The following ERBB4 variants were observed in gnomAD, a reference collection of about 807,000 sequenced individuals.
The protein encoded by ERBB4 is receptor tyrosine-protein kinase erbB-4.
A neutral mutation model predicts 158.0 loss-of-function variants in ERBB4; 42 were observed. The ratio of observed to expected loss-of-function variants is 0.27; its 90% CI spans 0.21 to 0.34. The LOEUF (loss-of-function observed/expected upper bound fraction) is 0.34, where lower values mean the gene tolerates loss of function less well. ERBB4 is among the 10% of genes least tolerant of loss of function. The pLI is 1.00. For missense variants in ERBB4, 1,333 were observed against 1,624.1 expected (o/e 0.82, Z 3.08); for synonymous variants, 583 against 558.7 (o/e 1.04, Z -0.61).
intron 2 of ERBB4, among the ~76,000 whole-genome samples, chr2:212,094,545 C>A: frequency 6.6e-6 from 1 of 150,992 alleles, no homozygotes; most frequent in Admixed American, 6.6e-5. Context: ...GGCATGGCTA[C>A]AGTTAAATAA....
intron 20 of ERBB4, among the ~76,000 whole-genome samples, chr2:211,440,957 C>T (rs140503511): frequency 7.6e-4 from 116 of 152,258 alleles, no homozygotes; most frequent in African/African-American, 1.9e-3. Context: ...ATCTGCCCAA[C>T]GCATGTAAAA....
intron 3 of ERBB4, among the ~76,000 whole-genome samples, chr2:211,872,952 G>A (rs2078388598): frequency 6.6e-6 from 1 of 150,712 alleles, no homozygotes; most frequent in Non-Finnish European, 1.5e-5. Context: ...ACTATATGAA[G>A]CATACAATTT....
chr2:212,089,183 T>C (rs912149609), intron 2 of ERBB4, among the ~76,000 whole-genome samples: 1 of 152,158 alleles, frequency 6.6e-6, no homozygotes, highest in Non-Finnish European at 1.5e-5. Context: ...TCAATTAAAA[T>C]AGCTTTATTT....
intron 3 of ERBB4, among the ~76,000 whole-genome samples, chr2:211,826,026 G>A (rs762560771): frequency 6.6e-6 from 1 of 151,150 alleles, no homozygotes; most frequent in Non-Finnish European, 1.5e-5. Flanking sequence ...AGCTTCCCTA[G>A]AATCAACCTA....
At chr2:212,122,251 G>A (rs1419195021) in intron 2 of ERBB4, among the ~76,000 whole-genome samples, 1 of 151,756 alleles carries the variant, frequency 6.6e-6, no homozygotes, top group Admixed American at 6.6e-5. Flanking sequence ...TGAAGCCAAG[G>A]ACAATAAATG....
At chr2:211,490,979 C>T (rs2065327212) in intron 20 of ERBB4, among the ~76,000 whole-genome samples, 1 of 152,058 alleles carries the variant, frequency 6.6e-6, no homozygotes, top group Non-Finnish European at 1.5e-5. Context: ...AGATGAGACT[C>T]CTCATTCTGA....
intron 2 of ERBB4, among the ~76,000 whole-genome samples, chr2:212,071,733 G>A (rs569989656): frequency 4.6e-5 from 7 of 151,996 alleles, no homozygotes; most frequent in Middle Eastern, 3.4e-3. Context: ...AAGCTATTAC[G>A]ATGAAACATA....
chr2:211,549,959 G>A (rs2067039108), intron 20 of ERBB4, among the ~76,000 whole-genome samples: 1 of 152,068 alleles, frequency 6.6e-6, no homozygotes, highest in African/African-American at 2.4e-5. Flanking sequence ...ATGATAAAGT[G>A]GAACTTCAAG....
At chr2:212,436,713 A>G (rs1007173528) in intron 1 of ERBB4, among the ~76,000 whole-genome samples, 2 of 152,098 alleles carry the variant, frequency 1.3e-5, no homozygotes, top group African/African-American at 4.8e-5. Context: ...GGTTGACAAA[A>G]TAAAACTCAA....
At position 212,156,264 on chromosome 2, in the gene ERBB4, A is replaced by G. The variant is rs112353656; in HGVS notation, c.83-31361T>C. Among the ~76,000 whole-genome samples, 1,008 of 152,070 alleles carry G rather than the reference A, an allele frequency of 6.6e-3. 7 individuals carry two copies. Among genetic ancestry groups the G allele is most frequent in the Middle Eastern group, 0.024 (7 of 294 alleles). On this transcript the variant is annotated intron_variant, in intron 1 of 27. Transcript: ENST00000342788. The stretch of plus-strand genomic sequence containing the variant: ...ATTCCAATGTGTTTAAAAGTGGGGG[A>G]AAAAAAGGAAAGGAAAGCAGGAACA...
At chr2:211,862,528 A>G (rs2078087247) in intron 3 of ERBB4, among the ~76,000 whole-genome samples, 1 of 152,210 alleles carries the variant, frequency 6.6e-6, no homozygotes, top group African/African-American at 2.4e-5. Context: ...TCATGGAGAC[A>G]ACACTGCATA....
intron 2 of ERBB4, among the ~76,000 whole-genome samples, chr2:211,978,890 T>A (rs2081709827): frequency 6.6e-6 from 1 of 152,188 alleles, no homozygotes; most frequent in Non-Finnish European, 1.5e-5. Flanking sequence ...AATCTGATTT[T>A]TAAATAGTGT....
At chr2:211,529,698 C>A (rs1327991877) in intron 20 of ERBB4, among the ~76,000 whole-genome samples, 1 of 152,030 alleles carries the variant, frequency 6.6e-6, no homozygotes, top group Non-Finnish European at 1.5e-5. Flanking sequence ...TCAACATATG[C>A]AAATCAACTA....
At chr2:212,369,763 G>T (rs1166635600) in intron 1 of ERBB4, among the ~76,000 whole-genome samples, 1 of 152,042 alleles carries the variant, frequency 6.6e-6, no homozygotes, top group Non-Finnish European at 1.5e-5. Flanking sequence ...TAAGATCATA[G>T]CTCAAAGCAG....
chr2:211,713,663 A>G lies in ERBB4; in HGVS notation c.884-15T>C. ...CACAAAGTTATCTGATTAAAAAAAA[A>G]AAAAAGGTAAAATAAGCATTAATGT... On this transcript the variant is annotated splice_polypyrimidine_tract_variant and intron_variant, in intron 7 of 27. Transcript: ENST00000342788. 6.8e-7 allele frequency: 1 copy of G among 1,477,468 alleles called. No homozygotes were observed. The highest frequency in any genetic ancestry group is 1.7e-5 in the Admixed American group (1 of 59,644). The allele number at this position is 1,477,468 out of a possible 1,614,324, so 91.5% of individuals were successfully genotyped here. A position where few individuals can be genotyped will look rare whatever the true frequency, so the allele number is the denominator to read the frequency against.
chr2:212,342,490 G>A (rs966718131), intron 1 of ERBB4, among the ~76,000 whole-genome samples: 1 of 152,154 alleles, frequency 6.6e-6, no homozygotes, highest in African/African-American at 2.4e-5. Context: ...GTGGAACTGT[G>A]AGTCCATTAA....
intron 1 of ERBB4, among the ~76,000 whole-genome samples, chr2:212,149,434 A>C (rs1331682591): frequency 6.6e-6 from 1 of 152,206 alleles, no homozygotes; most frequent in Non-Finnish European, 1.5e-5. Context: ...GTTGTAGTAA[A>C]TTGAACATGA....
chr2:211,973,911 TAA>T (rs563816239), intron 2 of ERBB4, among the ~76,000 whole-genome samples: 125 of 152,240 alleles, frequency 8.2e-4, no homozygotes, highest in African/African-American at 2.9e-3. Context: ...TAAAAAAGAA[TAA>T]AGTCATGTCC....
At chr2:211,692,683 C>T (rs1427318668) in intron 12 of ERBB4, among the ~76,000 whole-genome samples, 1 of 152,130 alleles carries the variant, frequency 6.6e-6, no homozygotes, top group Non-Finnish European at 1.5e-5. Context: ...CCTCCCTCTA[C>T]CTTCCTCTTA....
Sources: allele counts gnomAD v4.1 joint callset (sites outside exome capture counted in the v4.1 genomes callset), GRCh38; gene constraint gnomAD v4.1.1; transcripts MANE v1.5; gene names NCBI Gene and HGNC (gene_info 2026-07-23, HGNC 2026-07-21).